Variants in DCP2 observed in about 807,000 individuals in gnomAD.
The protein encoded by DCP2 is decapping mRNA 2, also known as m7GpppN-mRNA hydrolase.
DCP2 carries 30 observed loss-of-function variants against 56.1 expected under a neutral mutation model. The ratio of observed to expected loss-of-function variants is 0.53; its 90% CI spans 0.40 to 0.73. The LOEUF (loss-of-function observed/expected upper bound fraction) is 0.73. Among genes scored for constraint, DCP2 ranks in the 30% least tolerant of loss-of-function variants. The pLI, the probability that DCP2 is intolerant of heterozygous loss-of-function variation, is 0.00. For synonymous variants in DCP2, 197 were observed against 163.3 expected (o/e 1.21, Z -1.57); for missense variants, 533 against 502.7 (o/e 1.06, Z -0.58).
At chr5:112,979,643 A>T (rs1747903755) in intron 1 of DCP2, among the ~76,000 whole-genome samples, 1 of 152,034 alleles carries the variant, frequency 6.6e-6, no homozygotes. Context: ...TTGCCTTTTG[A>T]TGTGGAGAGC....
chr5:112,990,145 T>G (rs1029721272), intron 2 of DCP2, among the ~76,000 whole-genome samples: 3 of 152,182 alleles, frequency 2.0e-5, no homozygotes, highest in Admixed American at 1.3e-4. Context: ...TGATGGGTTC[T>G]GTTATGGGCC....
chr5:113,008,476 C>CTG (rs3068845), intron 9 of DCP2, among the ~76,000 whole-genome samples: 1 of 151,388 alleles, frequency 6.6e-6, no homozygotes, highest in African/African-American at 2.4e-5. Flanking sequence ...TGACAAATAA[C>CTG]AAAGCAGTTT....
intron 8 of DCP2, among the ~76,000 whole-genome samples, chr5:113,006,721 A>G (rs1338558576): frequency 6.6e-6 from 1 of 152,228 alleles, no homozygotes; most frequent in African/African-American, 2.4e-5. Flanking sequence ...AATGTTTAAA[A>G]TGTTCGTTTT....
In DCP2 at chr5:113,013,673, T is replaced by A; in HGVS notation, c.*189T>A. ...GCACTGTAAATGCAGTTATAACCTTTTATACAGATTTACCTTTTCAGTGTT... is the reference window on the plus strand; with the variant it reads ...GCACTGTAAATGCAGTTATAACCTTATATACAGATTTACCTTTTCAGTGTT... On this transcript the variant is annotated 3_prime_UTR_variant, in exon 11 of 11. Coordinates refer to ENST00000389063, the MANE Select transcript of DCP2 (RefSeq NM_152624.6). 1 of 606,370 alleles carries A rather than the reference T, an allele frequency of 1.6e-6. No homozygotes were observed. The highest frequency in any genetic ancestry group is 2.9e-5 in the East Asian group (1 of 34,924). 37.6% of individuals were successfully genotyped at this position (606,370 alleles called of 1,614,324 possible).
chr5:113,004,007 A>C lies in DCP2; in HGVS notation c.872A>C (p.Lys291Thr), dbSNP rs1749300606. ...GGTTCTCCTGGTGACCAGTGGGTAA[A>C]GCACAGGCAACCACTGCAGCAAAAG... ...PDGSPGDQWV[K>T]HRQPLQQKPY... The change falls in exon 8 of 11, where the codon AAG becomes ACG. Residue 291 changes from lysine (K) to threonine (T), a missense_variant. Lys to Thr is a moderately conservative substitution (Grantham distance 78, BLOSUM62 -1). This residue lies in a region of DCP2 where 392 missense variants were observed against 346.6 expected (regional missense o/e 1.13). Coordinates refer to ENST00000389063, the MANE Select transcript of DCP2 (RefSeq NM_152624.6). 6.2e-7 allele frequency: 1 copy of C among 1,614,046 alleles called. No individual in the cohort carries two copies. Among genetic ancestry groups the C allele is most frequent in the Non-Finnish European group, 8.5e-7 (1 of 1,179,994 alleles).
At position 113,017,547 on chromosome 5, in the gene DCP2, A is replaced by C. The variant is rs1050749912; in HGVS notation, c.*4063A>C. 1 of 152,004 alleles carries C rather than the reference A, an allele frequency of 6.6e-6. No homozygotes were observed. Among genetic ancestry groups the C allele is most frequent in the Non-Finnish European group, 1.5e-5 (1 of 67,994 alleles). 9.4% of individuals were successfully genotyped at this position (152,004 alleles called of 1,614,324 possible). ...GAATTGAGTTGCTCTTGAAGTCTGT[A>C]CTCCTGTGTCAGAAAGATGGCAGAC... On this transcript the variant is annotated 3_prime_UTR_variant, in exon 11 of 11. Coordinates refer to ENST00000389063, the MANE Select transcript of DCP2 (RefSeq NM_152624.6).
chr5:112,984,703 A>AAATATATATATATATAT lies in DCP2; in HGVS notation c.54-1131_54-1130insATATATATATATATATA. ...TTCTTAATTAAAAAAAAAAAAAAAA[A>AAATATATATATATATAT]ATATATATATATATATATATATTTG... On this transcript the variant is annotated intron_variant, in intron 1 of 10. Coordinates refer to ENST00000389063, the MANE Select transcript of DCP2 (RefSeq NM_152624.6). 36 of 64,850 alleles carry AAATATATATATATATAT rather than the reference A, an allele frequency of 5.6e-4. No homozygotes were observed. In the East Asian group the frequency reaches 7.3e-3, roughly 13 times the overall value. 4.0% of individuals were successfully genotyped at this position (64,850 alleles called of 1,614,324 possible).
At chr5:112,977,695 T>C (rs1328718827) in intron 1 of DCP2, among the ~76,000 whole-genome samples, 3 of 152,130 alleles carry the variant, frequency 2.0e-5, no homozygotes, top group Non-Finnish European at 4.4e-5. Context: ...TCTGCATTCT[T>C]CCCCCTTGTC....
intron 4 of DCP2, among the ~76,000 whole-genome samples, chr5:112,998,822 T>G (rs140737174): frequency 1.8e-4 from 27 of 152,380 alleles, no homozygotes; most frequent in African/African-American, 6.0e-4. Context: ...TAATTGCTTC[T>G]GCATGTATGT....
intron 2 of DCP2, among the ~76,000 whole-genome samples, 158 bp from the exon 3 acceptor site, chr5:112,991,963 T>C (rs899960039): frequency 2.6e-5 from 4 of 152,108 alleles, no homozygotes; most frequent in African/African-American, 9.7e-5. Context: ...GGGTTACAGG[T>C]GTGAGCCATG....
At chr5:112,999,615 T>A (rs1749041542) in intron 4 of DCP2, among the ~76,000 whole-genome samples, 1 of 150,696 alleles carries the variant, frequency 6.6e-6, no homozygotes, top group African/African-American at 2.4e-5. Flanking sequence ...GCGTGAGCCA[T>A]CGCACCCAGC....
At chr5:112,988,513 A>G (rs1247323177) in intron 2 of DCP2, among the ~76,000 whole-genome samples, 8 of 151,036 alleles carry the variant, frequency 5.3e-5, no homozygotes, top group Admixed American at 5.3e-4. Context: ...AAAAAAAAAA[A>G]AAAAATGGTA....
chr5:113,022,149 A>T lies in DCP2; in HGVS notation c.*8665A>T, dbSNP rs1359720642. Reference sequence around the variant, plus strand: ...TTCAGAATATAAGAATGTTTGTAAAATATTATAAATGTCTCTGTATAAATA... The same window carrying T: ...TTCAGAATATAAGAATGTTTGTAAATTATTATAAATGTCTCTGTATAAATA... On this transcript the variant is annotated 3_prime_UTR_variant, in exon 11 of 11. Transcript: ENST00000389063. 6.6e-6 allele frequency: 1 copy of T among 152,622 alleles called. No individual in the cohort carries two copies. The highest frequency in any genetic ancestry group is 1.5e-5 in the Non-Finnish European group (1 of 68,022). 9.5% of individuals were successfully genotyped at this position (152,622 alleles called of 1,614,324 possible). A position where few individuals can be genotyped will look rare whatever the true frequency, so the allele number is the denominator to read the frequency against.
In DCP2 at chr5:113,001,198, G is replaced by C; in HGVS notation, c.547G>C (p.Asp183His). The C allele has an allele frequency of 6.2e-7, 1 of 1,613,480 alleles. No individual in the cohort carries two copies. The change falls in exon 5 of 11, where the codon GAC (aspartate) becomes CAC (histidine). Residue 183 changes from aspartate to histidine, a missense_variant. Asp to His is a moderately conservative substitution (Grantham distance 81, BLOSUM62 -1). Around this residue, in one of 3 missense-constraint regions of DCP2, gnomAD observed 392 missense variants for 346.6 expected, o/e 1.13. Coordinates refer to ENST00000389063, the MANE Select transcript of DCP2 (RefSeq NM_152624.6). ...GTACATCATTCCAGGAATTCCAAAAGACACAAAATTTAACCCAAAAACTAG... is the reference window on the plus strand; with the variant it reads ...GTACATCATTCCAGGAATTCCAAAACACACAAAATTTAACCCAAAAACTAG... Reference protein sequence around the residue: ...RLYIIPGIPKDTKFNPKTRRE... With the variant: ...RLYIIPGIPKHTKFNPKTRRE...
intron 1 of DCP2, among the ~76,000 whole-genome samples, chr5:112,982,394 G>A (rs1257902448): frequency 2.0e-5 from 3 of 152,192 alleles, no homozygotes; most frequent in Admixed American, 1.3e-4. Flanking sequence ...AACTCTCTGA[G>A]ATGGTACTTA....
Position 113,021,460 on chromosome 5 carries a change from A to ATTAAG in DCP2, c.*7979_*7983dup, listed in dbSNP as rs1444186597. The stretch of plus-strand genomic sequence containing the variant: ...TGCAAAAATGAAAATACCTCAAACA[A>ATTAAG]TTAAGTTTGTTGCTTTAAAGCAAGA... On this transcript the variant is annotated 3_prime_UTR_variant, in exon 11 of 11. Transcript: ENST00000389063. Among the ~76,000 whole-genome samples, 1 of 151,688 alleles carries ATTAAG rather than the reference A, an allele frequency of 6.6e-6. No individual in the cohort carries two copies. The highest frequency in any genetic ancestry group is 1.5e-5 in the Non-Finnish European group (1 of 67,952).
intron 4 of DCP2, among the ~76,000 whole-genome samples, chr5:112,993,783 G>A (rs139253945): frequency 6.6e-6 from 1 of 151,872 alleles, no homozygotes; most frequent in African/African-American, 2.4e-5. Flanking sequence ...CACTGCCACC[G>A]CCACCAACTA....
chr5:112,994,640 A>G (rs1346533075), intron 4 of DCP2, among the ~76,000 whole-genome samples: 5 of 152,156 alleles, frequency 3.3e-5, no homozygotes, highest in Admixed American at 2.6e-4. Flanking sequence ...TTATCACACA[A>G]TTTATCATGT....
At chr5:113,010,697 A>G (rs1749645180) in intron 9 of DCP2, 59 bp from the exon 10 acceptor site, 2 of 1,418,994 alleles carry the variant, frequency 1.4e-6, no homozygotes, top group Admixed American at 5.6e-5. Flanking sequence ...TTAATAAGTG[A>G]AATAACTGGT....
Sources: gnomAD v4.1 joint callset for allele counts (sites outside exome capture counted in the v4.1 genomes callset) on GRCh38, gnomAD v4.1.1 for gene constraint, gnomAD v4.1.1 regional missense constraint, MANE v1.5 for transcripts, NCBI Gene and HGNC (gene_info 2026-07-23, HGNC 2026-07-21) for gene names.